CDH8: variants seen among roughly 807,000 people sequenced by gnomAD.
CDH8 encodes cadherin 8, also known as cadherin-8.
A neutral mutation model predicts 68.1 loss-of-function variants in CDH8; 17 were observed. That is an observed-to-expected ratio of 0.25 (90% CI 0.17 to 0.37). The LOEUF is 0.37. Among genes scored for constraint, CDH8 ranks in the 10% least tolerant of loss-of-function variants. CDH8 has a pLI of 1.00. For synonymous variants in CDH8, 372 were observed against 365.1 expected (o/e 1.02, Z -0.21); for missense variants, 763 against 999.3 (o/e 0.76, Z 3.19).
intron 9 of CDH8, among the ~76,000 whole-genome samples, chr16:61,721,739 GT>G: frequency 1.3e-5 from 2 of 150,892 alleles, no homozygotes; most frequent in South Asian, 4.2e-4. Flanking sequence ...GGATTTCAAA[GT>G]TCTGCTTCCT....
At chr16:61,720,671 A>G (rs1349272258) in intron 9 of CDH8, among the ~76,000 whole-genome samples, 5 of 150,794 alleles carry the variant, frequency 3.3e-5, no homozygotes, top group Non-Finnish European at 7.4e-5. Flanking sequence ...TTTAACCCAC[A>G]GATTCCCATG....
At chr16:61,861,333 G>C (rs567303414) in intron 3 of CDH8, among the ~76,000 whole-genome samples, 5 of 152,214 alleles carry the variant, frequency 3.3e-5, no homozygotes, top group African/African-American at 1.2e-4. Flanking sequence ...ATTCAGATTC[G>C]TTTGTAAAGT....
chr16:61,746,827 A>G (rs1345559499), intron 8 of CDH8, among the ~76,000 whole-genome samples: 1 of 152,086 alleles, frequency 6.6e-6, no homozygotes, highest in African/African-American at 2.4e-5. Context: ...GCTTTTCCTC[A>G]GTCTATGCTT....
intron 8 of CDH8, among the ~76,000 whole-genome samples, chr16:61,778,988 C>T (rs1960969017): frequency 6.6e-6 from 1 of 152,164 alleles, no homozygotes; most frequent in Admixed American, 6.6e-5. Context: ...CGAAAAGCTT[C>T]ATTTGCAATA....
At chr16:61,681,864 T>C (rs1452613719) in intron 10 of CDH8, among the ~76,000 whole-genome samples, 1 of 151,888 alleles carries the variant, frequency 6.6e-6, no homozygotes, top group East Asian at 1.9e-4. Flanking sequence ...GTGCACGAGT[T>C]GAATGCTGAC....
chr16:61,657,724 T>A (rs1457694345), intron 10 of CDH8, among the ~76,000 whole-genome samples: 2 of 152,096 alleles, frequency 1.3e-5, no homozygotes, highest in East Asian at 3.9e-4. Flanking sequence ...CAAGGAACAA[T>A]TAATAAAACT....
chr16:61,946,346 C>A (rs1024840598), intron 2 of CDH8, among the ~76,000 whole-genome samples: 1 of 152,178 alleles, frequency 6.6e-6, no homozygotes, highest in Non-Finnish European at 1.5e-5. Context: ...AAAGCAAAAA[C>A]TATGTCTTCA....
intron 2 of CDH8, among the ~76,000 whole-genome samples, chr16:61,929,223 T>TA (rs1964502638): frequency 6.6e-6 from 1 of 152,132 alleles, no homozygotes; most frequent in African/African-American, 2.4e-5. Flanking sequence ...TTTAGGTTTT[T>TA]ACCTGTTGTA....
At chr16:61,921,177 C>T (rs1276288818) in intron 2 of CDH8, among the ~76,000 whole-genome samples, 3 of 149,676 alleles carry the variant, frequency 2.0e-5, no homozygotes, top group Non-Finnish European at 3.0e-5. Flanking sequence ...GTGGGTGCAC[C>T]GCACCAGCAT....
At chr16:61,975,867 G>A (rs766085610) in intron 2 of CDH8, among the ~76,000 whole-genome samples, 52 of 152,130 alleles carry the variant, frequency 3.4e-4, no homozygotes, top group Non-Finnish European at 6.3e-4. Flanking sequence ...AATGTCCTAT[G>A]ATTTCCATAA....
chr16:62,023,472 A>G (rs560759170), intron 1 of CDH8, among the ~76,000 whole-genome samples: 18 of 152,236 alleles, frequency 1.2e-4, no homozygotes, highest in African/African-American at 4.3e-4. Flanking sequence ...ACGGGACAAT[A>G]GTGTGGTTCA....
rs530886558 is a variant in CDH8 at position 61,853,339 on chromosome 16, T to C, written c.667+3780A>G. Among the ~76,000 whole-genome samples, 3 of 152,252 alleles carry C rather than the reference T, an allele frequency of 2.0e-5. No individual in the cohort carries two copies. In the South Asian group the frequency reaches 6.2e-4, roughly 31 times the overall value. ...AGGAAAAAACAAGATACATACAAGA[T>C]TTATTGTCTCATGCCCTGGTTTATT... is the stretch of plus-strand genomic sequence containing the variant. On this transcript the variant is annotated intron_variant, in intron 4 of 11. Transcript: ENST00000577390.
At chr16:61,922,103 CACAAAATAAA>C (rs1250452168) in intron 2 of CDH8, among the ~76,000 whole-genome samples, 1 of 152,060 alleles carries the variant, frequency 6.6e-6, no homozygotes, top group African/African-American at 2.4e-5. Context: ...CGAAGTTGTC[CACAAAATAAA>C]ACGAAGTCTC....
intron 3 of CDH8, among the ~76,000 whole-genome samples, chr16:61,876,091 G>T (rs1256022495): frequency 6.6e-6 from 1 of 152,058 alleles, no homozygotes; most frequent in African/African-American, 2.4e-5. Context: ...TGGCCAGGAT[G>T]GTCTCAATCT....
chr16:61,852,397 T>C (rs796681200), intron 4 of CDH8, among the ~76,000 whole-genome samples: 2 of 152,196 alleles, frequency 1.3e-5, no homozygotes, highest in Admixed American at 6.5e-5. Flanking sequence ...CAGTGACCTC[T>C]GGAATAGGAA....
intron 2 of CDH8, among the ~76,000 whole-genome samples, chr16:61,959,982 GTGTA>G (rs1451828282): frequency 0.012 from 374 of 31,028 alleles, 12 homozygotes; most frequent in Middle Eastern, 0.036. Context: ...GTGTGTGTGT[GTGTA>G]TATATATATA....
chr16:61,908,389 T>C (rs1964098969), intron 2 of CDH8, among the ~76,000 whole-genome samples: 1 of 152,102 alleles, frequency 6.6e-6, no homozygotes, highest in Non-Finnish European at 1.5e-5. Context: ...CAGACAAGTG[T>C]TTAGGCTACT....
chr16:61,779,521 T>C (rs920425444), intron 8 of CDH8, among the ~76,000 whole-genome samples: 19 of 151,122 alleles, frequency 1.3e-4, no homozygotes, highest in African/African-American at 4.4e-4. Flanking sequence ...CCTGAAACTC[T>C]CCCTTGAGAT....
intron 9 of CDH8, among the ~76,000 whole-genome samples, chr16:61,724,876 T>A (rs79299652): frequency 0.03 from 4,455 of 150,952 alleles, 99 homozygotes; most frequent in South Asian, 0.049. Context: ...TTGGTAAATG[T>A]TAAATATAAA....
Sources: gnomAD v4.1 joint callset for allele counts (sites outside exome capture counted in the v4.1 genomes callset) on GRCh38, gnomAD v4.1.1 for gene constraint, MANE v1.5 for transcripts, NCBI Gene and HGNC (gene_info 2026-07-23, HGNC 2026-07-21) for gene names.